The following UBE2E2 variants were observed in gnomAD, a reference collection of about 807,000 sequenced individuals.
UBE2E2 encodes the protein ubiquitin conjugating enzyme E2 E2.
Under a neutral mutation model 24.7 loss-of-function variants are expected in UBE2E2, and 6 were observed. The ratio of observed to expected loss-of-function variants is 0.24; its 90% CI spans 0.13 to 0.48. The LOEUF (loss-of-function observed/expected upper bound fraction) is 0.48, where lower values mean the gene tolerates loss of function less well. UBE2E2 is among the 20% of genes least tolerant of loss of function. The probability of loss-of-function intolerance (pLI) is 0.99; values close to 1 mark genes in which losing one functional copy is unlikely to be tolerated. For missense variants in UBE2E2, 169 were observed against 245.0 expected (o/e 0.69, Z 2.07); for synonymous variants, 104 against 83.6 (o/e 1.24, Z -1.33).
At chr3:23,262,643 T>G (rs575933331) in intron 3 of UBE2E2, among the ~76,000 whole-genome samples, 10 of 152,124 alleles carry the variant, frequency 6.6e-5, no homozygotes, top group Admixed American at 1.3e-4. Flanking sequence ...TATAAGCTGC[T>G]TATATATTTT....
chr3:23,233,422 T>A (rs1697022196), intron 3 of UBE2E2, among the ~76,000 whole-genome samples: 1 of 152,194 alleles, frequency 6.6e-6, no homozygotes, highest in African/African-American at 2.4e-5. Context: ...TAGATAAATT[T>A]GCATTTTAAG....
chr3:23,518,141 T>C (rs1490914565), intron 4 of UBE2E2, among the ~76,000 whole-genome samples: 41 of 152,054 alleles, frequency 2.7e-4, no homozygotes, highest in Admixed American at 2.7e-3. Context: ...GGGGAAAAGA[T>C]AAACCCAAAA....
At chr3:23,366,730 G>A (rs1453938344) in intron 3 of UBE2E2, among the ~76,000 whole-genome samples, 3 of 151,920 alleles carry the variant, frequency 2.0e-5, no homozygotes, top group Non-Finnish European at 4.4e-5. Context: ...CAATTTACCT[G>A]TATAACAAAC....
Position 23,312,079 on chromosome 3 carries a change from G to A in UBE2E2, c.227+94767G>A, listed in dbSNP as rs190701760. Reference sequence around the variant, plus strand: ...GCCAGATCTGGTTGTTTAAAAGTATGTAGCACCTCCCTCCTCTCTTTCTCC... The same window carrying A: ...GCCAGATCTGGTTGTTTAAAAGTATATAGCACCTCCCTCCTCTCTTTCTCC... On this transcript the variant is annotated intron_variant, in intron 3 of 5. Transcript: ENST00000396703. Among the ~76,000 whole-genome samples the A allele has an allele frequency of 2.6e-5, 4 of 152,166 alleles. No individual in the cohort carries two copies. The East Asian group carries it at 7.7e-4, about 29-fold the overall frequency.
chr3:23,542,187 A>G (rs1691888406), intron 5 of UBE2E2, among the ~76,000 whole-genome samples: 1 of 152,128 alleles, frequency 6.6e-6, no homozygotes, highest in Non-Finnish European at 1.5e-5. Context: ...TATCTGAGGG[A>G]TGTGTATTTT....
chr3:23,524,270 A>G (rs1694938049), intron 4 of UBE2E2, among the ~76,000 whole-genome samples: 1 of 152,240 alleles, frequency 6.6e-6, no homozygotes, highest in South Asian at 2.1e-4. Flanking sequence ...TCCTCTTACA[A>G]AATTACTTTT....
At chr3:23,566,343 G>A (rs1003731139) in intron 5 of UBE2E2, among the ~76,000 whole-genome samples, 9 of 152,160 alleles carry the variant, frequency 5.9e-5, no homozygotes, top group Non-Finnish European at 1.0e-4. Flanking sequence ...GGGAGTAATG[G>A]TGATTAAAAG....
At position 23,329,180 on chromosome 3, in the gene UBE2E2, C is replaced by T. The variant is rs1361684655; in HGVS notation, c.227+111868C>T. Among the ~76,000 whole-genome samples, 3 of 152,126 alleles carry T rather than the reference C, an allele frequency of 2.0e-5. No homozygotes were observed. The East Asian group carries it at 5.8e-4, about 29-fold the overall frequency. On this transcript the variant is annotated intron_variant, in intron 3 of 5. Transcript: ENST00000396703. ...GAATTTTTTATTTGATAATAGGAAACTGTAGTTATAGGGGAAAGTCAGTAT... is the reference window on the plus strand; with the variant it reads ...GAATTTTTTATTTGATAATAGGAAATTGTAGTTATAGGGGAAAGTCAGTAT...
intron 4 of UBE2E2, among the ~76,000 whole-genome samples, chr3:23,527,427 A>T (rs990042696): frequency 6.6e-6 from 1 of 152,202 alleles, no homozygotes; most frequent in African/African-American, 2.4e-5. Flanking sequence ...TGTGATTTTT[A>T]ATAAGAAATA....
chr3:23,463,426 T>G (rs1212584660), intron 3 of UBE2E2, among the ~76,000 whole-genome samples: 1 of 152,152 alleles, frequency 6.6e-6, no homozygotes, highest in Non-Finnish European at 1.5e-5. Context: ...ACTGCTTTAC[T>G]ATAAGCAATG....
chr3:23,490,038 G>A (rs973407567), intron 3 of UBE2E2, among the ~76,000 whole-genome samples: 1 of 152,174 alleles, frequency 6.6e-6, no homozygotes, highest in African/African-American at 2.4e-5. Flanking sequence ...CTCATTTCTG[G>A]AGTCCTTTCA....
chr3:23,528,957 T>C (rs1695061627), intron 4 of UBE2E2, among the ~76,000 whole-genome samples: 1 of 152,184 alleles, frequency 6.6e-6, no homozygotes, highest in Non-Finnish European at 1.5e-5. Context: ...GGAATACTAC[T>C]CATCAGTAAG....
At chr3:23,575,959 A>G (rs903421502) in intron 5 of UBE2E2, among the ~76,000 whole-genome samples, 8 of 152,206 alleles carry the variant, frequency 5.3e-5, no homozygotes, top group Non-Finnish European at 1.0e-4. Flanking sequence ...GCTACGGTAC[A>G]TTGTTACAGA....
At chr3:23,556,153 T>C (rs1695776799) in intron 5 of UBE2E2, among the ~76,000 whole-genome samples, 1 of 144,520 alleles carries the variant, frequency 6.9e-6, no homozygotes, top group African/African-American at 2.6e-5. Flanking sequence ...TTTTTTTTTT[T>C]TTTTTTTTTT....
intron 3 of UBE2E2, among the ~76,000 whole-genome samples, chr3:23,437,578 T>TA (rs1484439625): frequency 1.3e-5 from 2 of 152,196 alleles, no homozygotes; most frequent in Non-Finnish European, 2.9e-5. Flanking sequence ...AGAAGTAGTG[T>TA]AAAACGTAAG....
At chr3:23,452,466 A>T (rs1313288468) in intron 3 of UBE2E2, among the ~76,000 whole-genome samples, 1 of 152,186 alleles carries the variant, frequency 6.6e-6, no homozygotes, top group South Asian at 2.1e-4. Context: ...TTGAATCTAT[A>T]TTAAAATTTT....
intron 4 of UBE2E2, among the ~76,000 whole-genome samples, chr3:23,532,251 A>G (rs772935174): frequency 2.0e-5 from 3 of 152,198 alleles, no homozygotes; most frequent in Non-Finnish European, 2.9e-5. Context: ...ACATTCCTGT[A>G]GTTGTATCAA....
intron 3 of UBE2E2, among the ~76,000 whole-genome samples, chr3:23,313,481 T>C (rs1450467267): frequency 6.8e-6 from 1 of 146,624 alleles, no homozygotes; most frequent in African/African-American, 2.5e-5. Flanking sequence ...GCCTCCTGGG[T>C]TCAAGTGATT....
At chr3:23,551,228 G>A (rs1369622750) in intron 5 of UBE2E2, among the ~76,000 whole-genome samples, 1 of 152,118 alleles carries the variant, frequency 6.6e-6, no homozygotes, top group African/African-American at 2.4e-5. Flanking sequence ...TTCATAACCA[G>A]TTGAAAAATA....
Sources: gnomAD v4.1 joint callset for allele counts (sites outside exome capture counted in the v4.1 genomes callset) on GRCh38, gnomAD v4.1.1 for gene constraint, MANE v1.5 for transcripts, NCBI Gene and HGNC (gene_info 2026-07-23, HGNC 2026-07-21) for gene names.